Variants in ST3GAL3 observed in about 807,000 individuals in gnomAD.
ST3GAL3 encodes the protein CMP-N-acetylneuraminate-beta-1,4-galactoside alpha-2,3-sialyltransferase.
In ST3GAL3, 21 loss-of-function variants were observed where a neutral mutation model predicts 50.1. The ratio of observed to expected loss-of-function variants is 0.42; its 90% CI spans 0.30 to 0.60. The LOEUF is 0.60. Among genes scored for constraint, ST3GAL3 ranks in the 20% least tolerant of loss-of-function variants. The pLI, the probability that ST3GAL3 is intolerant of heterozygous loss-of-function variation, is 0.19. For synonymous variants in ST3GAL3, 183 were observed against 190.0 expected, an observed-to-expected ratio of 0.96 and a Z score of 0.30; for missense variants, 353 against 489.4, an observed-to-expected ratio of 0.72 and a Z score of 2.63.
At chr1:43,785,666 GC>G (rs151282189) in intron 2 of ST3GAL3, among the ~76,000 whole-genome samples, 2,751 of 152,260 alleles carry the variant, frequency 0.018, 39 homozygotes, top group South Asian at 0.028. Context: ...GGGCGCTAGG[GC>G]CCAGCATCTA....
At chr1:43,917,647 A>AT (rs1412443833) in intron 9 of ST3GAL3, among the ~76,000 whole-genome samples, 1 of 70,330 alleles carries the variant, frequency 1.4e-5, no homozygotes, top group African/African-American at 5.3e-5. Context: ...AATATAATAT[A>AT]TAATATAATA....
At chr1:43,827,502 TGGGTTTTGG>T (rs1217651898) in intron 4 of ST3GAL3, among the ~76,000 whole-genome samples, 1 of 151,996 alleles carries the variant, frequency 6.6e-6, no homozygotes, top group African/African-American at 2.4e-5. Context: ...GACTCAGTAT[TGGGTTTTGG>T]GGGTTTTGGG....
At chr1:43,747,517 C>T (rs1479517313) in intron 2 of ST3GAL3, among the ~76,000 whole-genome samples, 2 of 151,082 alleles carry the variant, frequency 1.3e-5, no homozygotes, top group African/African-American at 2.4e-5. Flanking sequence ...CGCACCTCCA[C>T]GTGTTCAACG....
At chr1:43,840,950 A>G (rs952868408) in intron 5 of ST3GAL3, 1 of 152,268 alleles carries the variant, frequency 6.6e-6, no homozygotes, top group Non-Finnish European at 1.5e-5. Flanking sequence ...GTAATCAGCC[A>G]TAAGAAAGGG....
intron 1 of ST3GAL3, among the ~76,000 whole-genome samples, chr1:43,713,836 A>T (rs1436975783): frequency 3.9e-5 from 6 of 152,106 alleles, no homozygotes; most frequent in Non-Finnish European, 8.8e-5. Context: ...ACGGCCAGCC[A>T]CGTTGTGGTT....
chr1:43,878,681 GT>G (rs2074538870), intron 5 of ST3GAL3, among the ~76,000 whole-genome samples: 1 of 152,184 alleles, frequency 6.6e-6, no homozygotes, highest in Admixed American at 6.5e-5. Context: ...ATAGGCTGTT[GT>G]AAGGATGTCA....
chr1:43,910,572 G>T (rs140873194), intron 9 of ST3GAL3, among the ~76,000 whole-genome samples: 35 of 152,350 alleles, frequency 2.3e-4, no homozygotes, highest in African/African-American at 7.9e-4. Context: ...AATATTGCCT[G>T]CCCACTGGGC....
intron 2 of ST3GAL3, among the ~76,000 whole-genome samples, chr1:43,766,117 G>A (rs1005555770): frequency 6.6e-6 from 1 of 152,152 alleles, no homozygotes. Context: ...CATTCAAATA[G>A]CCCTGACAGC....
rs1321385475 is a variant in ST3GAL3, at chr1:43,707,604, G to C, written c.-120G>C. 1 of 152,150 alleles carries C rather than the reference G, an allele frequency of 6.6e-6. No homozygotes were observed. Among genetic ancestry groups the C allele is most frequent in the Non-Finnish European group, 1.5e-5 (1 of 68,284 alleles). 9.4% of individuals were successfully genotyped at this position (152,150 alleles called of 1,614,324 possible). On this transcript the variant is annotated 5_prime_UTR_variant, in exon 1 of 12. Coordinates refer to ENST00000347631, the MANE Select transcript of ST3GAL3 (RefSeq NM_006279.5). ...GTGGGCTCCCGCCGGGGTCCCCCGC[G>C]GCTGTCGCCGCCGCCTACGCCGCTG...
chr1:43,908,323 G>A (rs2154282186), intron 9 of ST3GAL3, among the ~76,000 whole-genome samples: 1 of 152,106 alleles, frequency 6.6e-6, no homozygotes, highest in East Asian at 1.9e-4. Flanking sequence ...AAGTGACCAG[G>A]TGCTTCATTC....
chr1:43,799,443 G>C (rs1432513059), intron 3 of ST3GAL3, among the ~76,000 whole-genome samples: 4 of 152,134 alleles, frequency 2.6e-5, no homozygotes, highest in Admixed American at 2.0e-4. Context: ...CTGAAGGCTG[G>C]GAAGTCCAAG....
At chr1:43,822,796 C>G (rs2062278713) in intron 4 of ST3GAL3, among the ~76,000 whole-genome samples, 1 of 151,858 alleles carries the variant, frequency 6.6e-6, no homozygotes. Flanking sequence ...TTATATCAAG[C>G]CCAGTTCTCT....
intron 10 of ST3GAL3, 94 bp from the exon 11 acceptor site, chr1:43,920,688 G>T: frequency 6.2e-7 from 1 of 1,610,942 alleles, no homozygotes; most frequent in Non-Finnish European, 8.5e-7. Flanking sequence ...TGGGCATGGA[G>T]GCTAGCTCTA....
chr1:43,748,386 A>G (rs1289257414), intron 2 of ST3GAL3, among the ~76,000 whole-genome samples: 1 of 150,378 alleles, frequency 6.6e-6, no homozygotes, highest in Non-Finnish European at 1.5e-5. Flanking sequence ...TATGATGCCT[A>G]TGTATTGGAA....
chr1:43,748,423 A>ATTTT (rs1215322512), intron 2 of ST3GAL3, among the ~76,000 whole-genome samples: 52 of 111,128 alleles, frequency 4.7e-4, no homozygotes, highest in African/African-American at 9.5e-4. Flanking sequence ...AACAGCCCCC[A>ATTTT]TTTTTTTTTT....
intron 5 of ST3GAL3, among the ~76,000 whole-genome samples, chr1:43,881,014 T>G (rs2075024505): frequency 6.6e-6 from 1 of 152,002 alleles, no homozygotes; most frequent in African/African-American, 2.4e-5. Flanking sequence ...CTGAGTTCTT[T>G]TTTTTTTTTC....
intron 2 of ST3GAL3, among the ~76,000 whole-genome samples, chr1:43,768,221 G>A (rs1167583978): frequency 6.6e-6 from 1 of 152,094 alleles, no homozygotes; most frequent in African/African-American, 2.4e-5. Context: ...GATCACTTGA[G>A]GCCAGGAGTT....
chr1:43,785,984 G>A (rs113043848), intron 2 of ST3GAL3, among the ~76,000 whole-genome samples: 14 of 152,226 alleles, frequency 9.2e-5, no homozygotes, highest in African/African-American at 3.4e-4. Flanking sequence ...TGTCCCATCA[G>A]TCACTACATC....
At chr1:43,723,368 C>T (rs571898224) in intron 1 of ST3GAL3, among the ~76,000 whole-genome samples, 2 of 152,188 alleles carry the variant, frequency 1.3e-5, no homozygotes, top group African/African-American at 4.8e-5. Flanking sequence ...CTCGGCCTCC[C>T]AAAGTGCTGG....
Sources: allele counts gnomAD v4.1 joint callset (sites outside exome capture counted in the v4.1 genomes callset), GRCh38; gene constraint gnomAD v4.1.1; transcripts MANE v1.5; gene names NCBI Gene and HGNC (gene_info 2026-07-23, HGNC 2026-07-21).